The following PDE10A variants were observed in gnomAD, a reference collection of about 807,000 sequenced individuals.
PDE10A encodes the protein cAMP and cAMP-inhibited cGMP 3',5'-cyclic phosphodiesterase 10A.
In PDE10A, 39 loss-of-function variants were observed where a neutral mutation model predicts 97.7. The ratio of observed to expected loss-of-function variants is 0.40; its 90% CI spans 0.31 to 0.52. PDE10A has a LOEUF of 0.52. Among genes scored for constraint, PDE10A ranks in the 20% least tolerant of loss-of-function variants. PDE10A has a pLI of 0.56. For missense variants in PDE10A, 731 were observed against 1,047.8 expected (o/e 0.70, Z 4.17); for synonymous variants, 371 against 376.8 (o/e 0.98, Z 0.18).
chr6:165,540,044 G>A (rs950693663), intron 2 of PDE10A, among the ~76,000 whole-genome samples: 22 of 152,146 alleles, frequency 1.4e-4, no homozygotes, highest in Non-Finnish European at 4.4e-5. Flanking sequence ...CAAATGTAGC[G>A]ACCCTCAGGC....
At chr6:165,368,378 G>T (rs1783967792) in intron 18 of PDE10A, among the ~76,000 whole-genome samples, 1 of 151,968 alleles carries the variant, frequency 6.6e-6, no homozygotes, top group East Asian at 1.9e-4. Flanking sequence ...AACATATGCA[G>T]CAATAATAGC....
At chr6:165,826,895 T>TGGGTCATG (rs1464508428) in intron 1 of PDE10A, among the ~76,000 whole-genome samples, 1 of 136,326 alleles carries the variant, frequency 7.3e-6, no homozygotes, top group Non-Finnish European at 1.6e-5. Flanking sequence ...GAGGACAAAG[T>TGGGTCATG]GGGTCATGAG....
intron 1 of PDE10A, among the ~76,000 whole-genome samples, chr6:165,634,587 C>A (rs923658969): frequency 2.6e-5 from 4 of 151,874 alleles, no homozygotes; most frequent in African/African-American, 9.7e-5. Context: ...AAGAAGAAAG[C>A]AAACAAGAGG....
chr6:165,696,545 G>A (rs1791449219), intron 1 of PDE10A, among the ~76,000 whole-genome samples: 1 of 152,116 alleles, frequency 6.6e-6, no homozygotes, highest in Admixed American at 6.6e-5. Context: ...GATCCACTGG[G>A]GGGGTCTTGG....
At chr6:165,715,106 G>A (rs775291988) in intron 1 of PDE10A, among the ~76,000 whole-genome samples, 1 of 152,228 alleles carries the variant, frequency 6.6e-6, no homozygotes, top group Non-Finnish European at 1.5e-5. Flanking sequence ...GAGAACCCCC[G>A]AGGGACGCTG....
chr6:165,899,745 G>A (rs75719744), intron 1 of PDE10A, among the ~76,000 whole-genome samples: 11,146 of 152,290 alleles, frequency 0.073, 471 homozygotes, highest in Middle Eastern at 0.095. Flanking sequence ...GCTGCGTCCT[G>A]TGGTTCATTC....
intron 3 of PDE10A, among the ~76,000 whole-genome samples, chr6:165,471,341 C>T: frequency 6.6e-6 from 1 of 152,122 alleles, no homozygotes; most frequent in East Asian, 1.9e-4. Flanking sequence ...GTCAAGTGAT[C>T]TCATCTGGGT....
At chr6:165,501,725 T>C (rs1022566917) in intron 2 of PDE10A, among the ~76,000 whole-genome samples, 4 of 152,226 alleles carry the variant, frequency 2.6e-5, no homozygotes, top group African/African-American at 9.6e-5. Flanking sequence ...GTTACCAATT[T>C]TCCCCAAATT....
chr6:165,827,363 C>G (rs544004813), intron 1 of PDE10A, among the ~76,000 whole-genome samples: 1 of 152,210 alleles, frequency 6.6e-6, no homozygotes, highest in Non-Finnish European at 1.5e-5. Context: ...AGGAGGTGCC[C>G]GGTGACAGCG....
At chr6:165,668,172 A>G (rs1450706841), upstream of PDE10A, among the ~76,000 whole-genome samples, 1 of 152,234 alleles carries the variant, frequency 6.6e-6, no homozygotes, top group Non-Finnish European at 1.5e-5. Context: ...GACAGAAAAT[A>G]CTTCTTTAAG....
At chr6:165,667,177 A>G (rs903990873), upstream of PDE10A, among the ~76,000 whole-genome samples, 1 of 152,228 alleles carries the variant, frequency 6.6e-6, no homozygotes, top group Non-Finnish European at 1.5e-5. Context: ...TAATATTCCT[A>G]GATCTTCAGT....
intron 5 of PDE10A, among the ~76,000 whole-genome samples, chr6:165,442,665 G>A (rs1325900416): frequency 6.6e-6 from 1 of 152,136 alleles, no homozygotes; most frequent in Non-Finnish European, 1.5e-5. Flanking sequence ...GATATGTGAT[G>A]ATTACAATTT....
chr6:165,432,730 T>A (rs2128238644), intron 7 of PDE10A, among the ~76,000 whole-genome samples: 1 of 152,248 alleles, frequency 6.6e-6, no homozygotes, highest in East Asian at 1.9e-4. Context: ...ACAGCATACC[T>A]TTTATTGTTA....
rs569804165 is a variant in PDE10A, at chr6:165,689,106, C to T, written c.-614-145538G>A. The stretch of plus-strand genomic sequence containing the variant: ...AACCTTGGCATTAAAATGTCTCAGA[C>T]CTAGGCTTTCCCTAAGTTCAATATA... On this transcript the variant is annotated intron_variant, in intron 1 of 19. Coordinates refer to the PDE10A transcript ENST00000366882. Among the ~76,000 whole-genome samples, 13 of 152,264 alleles carry T rather than the reference C, an allele frequency of 8.5e-5. No individual in the cohort carries two copies. In the East Asian group the frequency reaches 2.1e-3, roughly 25 times the overall value.
chr6:165,420,440 G>A (rs1361354458), intron 10 of PDE10A, among the ~76,000 whole-genome samples: 2 of 152,098 alleles, frequency 1.3e-5, no homozygotes, highest in Admixed American at 1.3e-4. Context: ...ATGACATAAA[G>A]GCACAGCGAG....
At position 165,943,329 on chromosome 6, in the gene PDE10A, A is replaced by G. The variant is rs13199759; in HGVS notation, c.-615+44200T>C. ...AAAGAAGGAAGGAAGGAAAGAAAGA[A>G]AAAGAAAGAAAGAAAAGAGAAAGAA... On this transcript the variant is annotated intron_variant, in intron 1 of 19. Transcript: ENST00000366882. Among the ~76,000 whole-genome samples the G allele has an allele frequency of 4.5e-5, 3 of 65,982 alleles. 1 individual carries two copies. The highest frequency in any genetic ancestry group is 1.4e-4 in the African/African-American group (2 of 14,298). 43.3% of individuals were successfully genotyped at this position (65,982 alleles called of 152,430 possible). A position where few individuals can be genotyped will look rare whatever the true frequency, so the allele number is the denominator to read the frequency against.
At chr6:165,833,043 G>A (rs558484947) in intron 1 of PDE10A, among the ~76,000 whole-genome samples, 5 of 152,292 alleles carry the variant, frequency 3.3e-5, no homozygotes, top group East Asian at 1.9e-4. Context: ...AATCGTAACC[G>A]ATTCGAATAA....
chr6:165,823,891 A>T (rs1779652295), intron 1 of PDE10A, among the ~76,000 whole-genome samples: 1 of 152,154 alleles, frequency 6.6e-6, no homozygotes, highest in Non-Finnish European at 1.5e-5. Context: ...ATGACATGTG[A>T]CGGTATTTAT....
intron 16 of PDE10A, among the ~76,000 whole-genome samples, chr6:165,391,763 C>T (rs1285070065): frequency 1.3e-5 from 2 of 152,140 alleles, no homozygotes; most frequent in African/African-American, 4.8e-5. Context: ...GTTTTCCACT[C>T]AGATTGTGAA....
Sources: allele counts gnomAD v4.1 joint callset (sites outside exome capture counted in the v4.1 genomes callset), GRCh38; gene constraint gnomAD v4.1.1; transcripts MANE v1.5; gene names NCBI Gene and HGNC (gene_info 2026-07-23, HGNC 2026-07-21).